SYT1: variants seen among roughly 807,000 people sequenced by gnomAD.
The protein encoded by SYT1 is synaptotagmin 1, also known as synaptotagmin-1.
Under a neutral mutation model 44.8 loss-of-function variants are expected in SYT1, and 8 were observed. That is an observed-to-expected ratio of 0.18 (90% CI 0.10 to 0.32). The LOEUF is 0.32. Among genes scored for constraint, SYT1 ranks in the 10% least tolerant of loss-of-function variants. The probability of loss-of-function intolerance (pLI) is 1.00; values close to 1 mark genes in which losing one functional copy is unlikely to be tolerated. For missense variants in SYT1, 286 were observed against 509.3 expected (o/e 0.56, Z 4.22); for synonymous variants, 154 against 188.8 (o/e 0.82, Z 1.51).
At chr12:79,415,025 G>C (rs1868645749) in intron 9 of SYT1, among the ~76,000 whole-genome samples, 1 of 151,962 alleles carries the variant, frequency 6.6e-6, no homozygotes, top group African/African-American at 2.4e-5. Flanking sequence ...TGTACCCAAA[G>C]GATTTAGGTA....
intron 1 of SYT1, among the ~76,000 whole-genome samples, chr12:78,876,420 T>G (rs908035507): frequency 6.7e-6 from 1 of 148,910 alleles, no homozygotes; most frequent in Non-Finnish European, 1.5e-5. Context: ...ATGCTCTCTA[T>G]AGACATTATA....
At chr12:78,983,634 A>G (rs932841431) in intron 2 of SYT1, among the ~76,000 whole-genome samples, 24 of 152,228 alleles carry the variant, frequency 1.6e-4, no homozygotes, top group Non-Finnish European at 2.8e-4. Flanking sequence ...ATATTAGAAC[A>G]GGATAGTCAT....
chr12:78,875,221 A>G (rs61324403), intron 1 of SYT1, among the ~76,000 whole-genome samples: 4,041 of 151,712 alleles, frequency 0.027, 183 homozygotes, highest in African/African-American at 0.093. Context: ...TGGGAATAAT[A>G]TATTTCTTCG....
Position 79,121,520 on chromosome 12 carries a change from C to G in SYT1, c.-18+74158C>G, listed in dbSNP as rs145087213. 2.8e-3 allele frequency among the ~76,000 whole-genome samples: 421 copies of G among 152,244 alleles called. 1 individual carries two copies. The highest frequency in any genetic ancestry group is 9.6e-3 in the African/African-American group (400 of 41,544). The stretch of plus-strand genomic sequence containing the variant: ...CTCTCTCTGATTCTAGAAGCAAAGC[C>G]TCTGAATAAAGGGTTCAATTTTACA... On this transcript the variant is annotated intron_variant, in intron 3 of 10. Coordinates refer to ENST00000261205, the MANE Select transcript of SYT1 (RefSeq NM_005639.3).
intron 7 of SYT1, among the ~76,000 whole-genome samples, chr12:79,299,043 C>G (rs1168372177): frequency 3.3e-5 from 5 of 152,058 alleles, no homozygotes; most frequent in Non-Finnish European, 7.4e-5. Context: ...AAATATTCTA[C>G]AAGAAAAACT....
intron 1 of SYT1, among the ~76,000 whole-genome samples, chr12:78,907,564 C>T (rs1380382129): frequency 1.3e-5 from 2 of 151,886 alleles, no homozygotes; most frequent in Non-Finnish European, 2.9e-5. Context: ...AGATTTACAT[C>T]GTCAAAGCAG....
At chr12:79,029,900 A>G (rs184649811) in intron 2 of SYT1, among the ~76,000 whole-genome samples, 1 of 151,222 alleles carries the variant, frequency 6.6e-6, no homozygotes, top group Non-Finnish European at 1.5e-5. Flanking sequence ...CACTGTGCTT[A>G]GTTTTTATGT....
intron 3 of SYT1, among the ~76,000 whole-genome samples, chr12:79,133,923 AGAGATT>A (rs1299015353): frequency 1.9e-4 from 29 of 152,354 alleles, no homozygotes; most frequent in Admixed American, 5.9e-4. Context: ...AGATAGAATT[AGAGATT>A]TGGCAGTCAT....
intron 3 of SYT1, among the ~76,000 whole-genome samples, chr12:79,084,981 C>T (rs762126325): frequency 6.6e-5 from 10 of 151,918 alleles, no homozygotes; most frequent in Non-Finnish European, 1.3e-4. Flanking sequence ...AATCTAAACA[C>T]AAGATTCATT....
At chr12:79,266,462 A>G (rs1224866113) in intron 4 of SYT1, among the ~76,000 whole-genome samples, 1 of 152,002 alleles carries the variant, frequency 6.6e-6, no homozygotes. Flanking sequence ...GTGAAAACCT[A>G]CAATAGCAAG....
intron 1 of SYT1, among the ~76,000 whole-genome samples, chr12:78,901,134 ATAG>A (rs1199079840): frequency 1.3e-5 from 2 of 152,136 alleles, no homozygotes; most frequent in African/African-American, 2.4e-5. Context: ...ACCAGAAAGA[ATAG>A]TAGTGAACAA....
chr12:79,080,239 G>C (rs1876939283), intron 3 of SYT1, among the ~76,000 whole-genome samples: 1 of 152,044 alleles, frequency 6.6e-6, no homozygotes, highest in African/African-American at 2.4e-5. Context: ...TGTGTATTTG[G>C]ACAAGAAAGA....
At chr12:78,903,757 T>G (rs1875800009) in intron 1 of SYT1, among the ~76,000 whole-genome samples, 1 of 152,082 alleles carries the variant, frequency 6.6e-6, no homozygotes, top group Non-Finnish European at 1.5e-5. Flanking sequence ...TTCTGAATAT[T>G]TAATAGGTAT....
chr12:79,272,722 AGGG>A (rs566752775), intron 4 of SYT1, among the ~76,000 whole-genome samples: 1 of 152,220 alleles, frequency 6.6e-6, no homozygotes, highest in Non-Finnish European at 1.5e-5. Flanking sequence ...AAGATAACCA[AGGG>A]GCTGAGAACC....
intron 1 of SYT1, among the ~76,000 whole-genome samples, chr12:78,877,641 A>T (rs1270298225): frequency 1.3e-5 from 2 of 150,914 alleles, no homozygotes; most frequent in Non-Finnish European, 3.0e-5. Context: ...CTAAGTTTAT[A>T]TTACAATCTA....
chr12:79,199,889 T>C (rs1332100431), intron 3 of SYT1, among the ~76,000 whole-genome samples: 2 of 152,164 alleles, frequency 1.3e-5, no homozygotes. Context: ...AATCATGATA[T>C]AATTCTAGAA....
At chr12:79,448,397 A>T (rs1870851741) in intron 10 of SYT1, among the ~76,000 whole-genome samples, 1 of 152,202 alleles carries the variant, frequency 6.6e-6, no homozygotes, top group Admixed American at 6.5e-5. Flanking sequence ...ATTCTATATT[A>T]ATTTTTTTGT....
intron 1 of SYT1, among the ~76,000 whole-genome samples, chr12:78,922,135 G>A (rs868151396): frequency 2.8e-4 from 42 of 152,006 alleles, no homozygotes; most frequent in African/African-American, 8.2e-4. Flanking sequence ...ATAAAATAAG[G>A]TTTTATGAAC....
chr12:79,047,162 G>A (rs1027707868), intron 2 of SYT1, 135 bp from the exon 3 acceptor site: 1 of 151,364 alleles, frequency 6.6e-6, no homozygotes, highest in African/African-American at 2.4e-5. Flanking sequence ...GGATATATAT[G>A]ACATTATTTT....
Sources: gnomAD v4.1 joint callset for allele counts (sites outside exome capture counted in the v4.1 genomes callset) on GRCh38, gnomAD v4.1.1 for gene constraint, MANE v1.5 for transcripts, NCBI Gene and HGNC (gene_info 2026-07-23, HGNC 2026-07-21) for gene names.